The following MYO7A variants were observed in gnomAD, a reference collection of about 807,000 sequenced individuals.
MYO7A encodes the protein unconventional myosin-VIIa.
Under a neutral mutation model 263.8 loss-of-function variants are expected in MYO7A, and 210 were observed. The observed-to-expected ratio is 0.80, with a 90% CI of 0.71 to 0.89. The LOEUF is 0.89. MYO7A is among the 40% of genes least tolerant of loss of function. The pLI is 0.00. For synonymous variants in MYO7A, 1,239 were observed against 1,197.3 expected (o/e 1.03, Z -0.72); for missense variants, 2,820 against 2,968.3 (o/e 0.95, Z 1.16).
chr11:77,198,541 G>T lies in MYO7A; in HGVS notation c.4488G>T (p.Thr1496=), dbSNP rs376743356. Residue 1496 remains threonine (T), a synonymous_variant, in exon 34 of 49, where the codon ACG becomes ACT. Transcript: ENST00000409709. ...ACGTCATCGTGGCCGTCAACTGGAC[G>T]GGTGTGTACTTTGTGGATGAGCAGG... ...KNDVIVAVNW[T]GVYFVDEQEQ... 1 of 1,613,836 alleles carries T rather than the reference G, an allele frequency of 6.2e-7. No homozygotes were observed. The highest frequency in any genetic ancestry group is 1.7e-5 in the Admixed American group (1 of 60,006).
chr11:77,211,259 C>T lies in MYO7A; in HGVS notation c.6159C>T (p.Phe2053=). 6.3e-7 allele frequency: 1 copy of T among 1,579,908 alleles called. No homozygotes were observed. Among genetic ancestry groups the T allele is most frequent in the Non-Finnish European group, 8.6e-7 (1 of 1,162,976 alleles). ...AGTTCGAGGAGGACAAGTCCTACTT[C>T]CCCAGCATCCCCAAGCTGCTGCGGG... The part of the protein sequence containing the change: ...RVKFEEDKSY[F]PSIPKLLREL... The change falls in exon 45 of 49, where the codon TTC becomes TTT. Residue 2053 remains phenylalanine (F), a synonymous_variant. Transcript: ENST00000409709.
intron 27 of MYO7A, among the ~76,000 whole-genome samples, chr11:77,188,449 A>G (rs1313303052): frequency 6.6e-6 from 1 of 152,254 alleles, no homozygotes; most frequent in Admixed American, 6.5e-5. Context: ...CTTTGAAATT[A>G]TAAACTCTCA....
chr11:77,147,255 C>T (rs1401416132), intron 3 of MYO7A, among the ~76,000 whole-genome samples: 2 of 151,392 alleles, frequency 1.3e-5, no homozygotes, highest in African/African-American at 2.4e-5. Context: ...TGGTCTCTTT[C>T]TCTTCCTTCA....
intron 4 of MYO7A, among the ~76,000 whole-genome samples, 158 bp from the exon 5 acceptor site, chr11:77,155,749 C>T (rs558536006): frequency 3.3e-5 from 5 of 152,232 alleles, no homozygotes; most frequent in Non-Finnish European, 7.3e-5. Context: ...TGCCCCAGCT[C>T]CTAAGGAGGC....
At chr11:77,149,978 G>A (rs1951853925) in intron 4 of MYO7A, among the ~76,000 whole-genome samples, 1 of 152,160 alleles carries the variant, frequency 6.6e-6, no homozygotes, top group African/African-American at 2.4e-5. Context: ...TCCTCTCCCT[G>A]GAGGGCAAGT....
At chr11:77,192,378 G>A (rs1021781951) in intron 31 of MYO7A, 100 bp downstream of exon 31, 1 of 1,235,292 alleles carries the variant, frequency 8.1e-7, no homozygotes, top group East Asian at 2.4e-5. Context: ...ATTAGCTCAG[G>A]CTGGGGTGAG....
chr11:77,165,232 C>T (rs2156568), intron 14 of MYO7A, among the ~76,000 whole-genome samples: 53,910 of 152,098 alleles, frequency 0.35, 9,809 homozygotes, highest in Admixed American at 0.39. Flanking sequence ...CTGTGCTGTC[C>T]GCCATTCATG....
intron 27 of MYO7A, 61 bp from the exon 28 acceptor site, chr11:77,189,283 G>T: frequency 1.9e-6 from 3 of 1,601,406 alleles, no homozygotes; most frequent in Non-Finnish European, 2.6e-6. Context: ...CTAGGAGGAG[G>T]TGGGGACCGG....
In MYO7A at chr11:77,161,998, G is replaced by C. The variant is rs1953044419; in HGVS notation, c.1344-122G>C. The C allele has an allele frequency of 4.4e-6, 4 of 912,078 alleles. No individual in the cohort carries two copies. The East Asian group carries it at 8.0e-5, about 18-fold the overall frequency. The allele number at this position is 912,078 out of a possible 1,614,324, so 56.5% of individuals were successfully genotyped here. ...ACTTGACAATTCCCCTCGCCTCTGA[G>C]TTTGGAGTCCATGATGGGGATAGCT... On this transcript the variant is annotated intron_variant, in intron 12 of 48. Coordinates refer to ENST00000409709, the MANE Select transcript of MYO7A (RefSeq NM_000260.4).
At chr11:77,151,691 T>TATTGAATTAATG (rs1951978148) in intron 4 of MYO7A, among the ~76,000 whole-genome samples, 1 of 152,242 alleles carries the variant, frequency 6.6e-6, no homozygotes, top group African/African-American at 2.4e-5. Flanking sequence ...TGCTGGGCAT[T>TATTGAATTAATG]AATTCTCTGC....
intron 4 of MYO7A, among the ~76,000 whole-genome samples, chr11:77,154,083 CA>C (rs748409941): frequency 1.4e-4 from 22 of 152,316 alleles, no homozygotes; most frequent in Non-Finnish European, 2.9e-4. Flanking sequence ...CCACTGCACC[CA>C]GCCTGGGCGA....
rs569754087 is a variant in MYO7A, at chr11:77,169,500, C to T, written c.1798-3248C>T. 1.1e-4 allele frequency among the ~76,000 whole-genome samples: 17 copies of T among 152,336 alleles called. No homozygotes were observed. In the South Asian group the frequency reaches 3.5e-3, roughly 32 times the overall value. On this transcript the variant is annotated intron_variant, in intron 15 of 48. Transcript: ENST00000409709. Reference sequence around the variant, plus strand: ...ACGCTCTGGGGTCTTCCTCTCAGATCCTTTCTGGGGAGCATTTGACATTGG... The same window carrying T: ...ACGCTCTGGGGTCTTCCTCTCAGATTCTTTCTGGGGAGCATTTGACATTGG...
chr11:77,153,248 G>T (rs1336544719), intron 4 of MYO7A, among the ~76,000 whole-genome samples: 1 of 152,090 alleles, frequency 6.6e-6, no homozygotes, highest in Non-Finnish European at 1.5e-5. Flanking sequence ...AGTGGGAGTG[G>T]TGTGAGGGAG....
At position 77,214,734 on chromosome 11, in the gene MYO7A, G is replaced by A. The variant is rs149296177; in HGVS notation, c.*38G>A. The A allele has an allele frequency of 3.4e-4, 502 of 1,481,394 alleles. 1 individual carries two copies. The African/African-American group carries it at 5.7e-3, about 17-fold the overall frequency. 91.8% of individuals were successfully genotyped at this position (1,481,394 alleles called of 1,614,324 possible). On this transcript the variant is annotated 3_prime_UTR_variant, in exon 49 of 49. Coordinates refer to ENST00000409709, the MANE Select transcript of MYO7A (RefSeq NM_000260.4). ...AGGTGCTGGTTCCATGCCTGCTCTC[G>A]AGGCAGCAGTGGGTTCAGGCCCATC...
chr11:77,199,874 C>T, intron 35 of MYO7A, 56 bp downstream of exon 35: 1 of 1,451,536 alleles, frequency 6.9e-7, no homozygotes, highest in Non-Finnish European at 9.3e-7. Flanking sequence ...GTTATGCAGA[C>T]TGTCTTAGTC....
intron 18 of MYO7A, 131 bp downstream of exon 18, chr11:77,175,595 G>A (rs1407620865): frequency 2.3e-6 from 2 of 887,280 alleles, no homozygotes; most frequent in Non-Finnish European, 3.7e-6. Flanking sequence ...GGTGTGGCTG[G>A]AGGAGCAGGT....
chr11:77,143,263 G>T (rs1951339181), intron 3 of MYO7A, among the ~76,000 whole-genome samples: 1 of 152,170 alleles, frequency 6.6e-6, no homozygotes, highest in Non-Finnish European at 1.5e-5. Context: ...TATCTCACAG[G>T]GCTGTTGACC....
chr11:77,194,036 G>T (rs1162717257), intron 31 of MYO7A: 4 of 555,020 alleles, frequency 7.2e-6, no homozygotes, highest in Non-Finnish European at 6.9e-6. Context: ...TCACAGGGCT[G>T]AGTGTGCAGT....
intron 27 of MYO7A, chr11:77,184,933 G>T: frequency 1.3e-6 from 1 of 791,404 alleles, no homozygotes; most frequent in Non-Finnish European, 2.2e-6. Context: ...ATCCCTTGGA[G>T]ATATTGCAGG....
Sources: allele counts gnomAD v4.1 joint callset (sites outside exome capture counted in the v4.1 genomes callset), GRCh38; gene constraint gnomAD v4.1.1; transcripts MANE v1.5; gene names NCBI Gene and HGNC (gene_info 2026-07-23, HGNC 2026-07-21).